FMN1: variants seen among roughly 807,000 people sequenced by gnomAD.
FMN1 encodes the protein formin 1.
A neutral mutation model predicts 132.4 loss-of-function variants in FMN1; 110 were observed. That is an observed-to-expected ratio of 0.83 (90% CI 0.71 to 0.97). The LOEUF (loss-of-function observed/expected upper bound fraction) is 0.97. Ranked by LOEUF, FMN1 falls within the 50% of genes least tolerant of loss-of-function variation. The pLI, the probability that FMN1 is intolerant of heterozygous loss-of-function variation, is 0.00. For synonymous variants in FMN1, 722 were observed against 651.7 expected, an observed-to-expected ratio of 1.11 and a Z score of -1.64; for missense variants, 1,792 against 1,705.3, an observed-to-expected ratio of 1.05 and a Z score of -0.90.
chr15:33,180,734 C>T (rs1295333258), intron 2 of FMN1, among the ~76,000 whole-genome samples: 1 of 147,784 alleles, frequency 6.8e-6, no homozygotes, highest in Non-Finnish European at 1.5e-5. Flanking sequence ...TTCAGAGGCT[C>T]TCCTGCTGCC....
chr15:32,796,776 G>A (rs1257815855), intron 19 of FMN1, among the ~76,000 whole-genome samples: 1 of 152,326 alleles, frequency 6.6e-6, no homozygotes, highest in Non-Finnish European at 1.5e-5. Flanking sequence ...TTAAATGGTT[G>A]AGGAGTAATA....
intron 4 of FMN1, chr15:33,150,321 G>C (rs1482599434): frequency 9.1e-6 from 9 of 985,308 alleles, no homozygotes; most frequent in Admixed American, 6.1e-5. Flanking sequence ...AAAGGCTTGG[G>C]AACATTCCAC....
At chr15:32,778,756 C>G (rs1222391973) in intron 19 of FMN1, among the ~76,000 whole-genome samples, 1 of 151,954 alleles carries the variant, frequency 6.6e-6, no homozygotes, top group African/African-American at 2.4e-5. Flanking sequence ...GGCCGTTTTC[C>G]AAAACGTTAA....
intron 17 of FMN1, among the ~76,000 whole-genome samples, chr15:32,817,832 C>T (rs1308454034): frequency 6.6e-6 from 1 of 152,156 alleles, no homozygotes; most frequent in Non-Finnish European, 1.5e-5. Context: ...TAACTGTCAT[C>T]CTCAGAGAAA....
rs542643574 is a variant in FMN1, at chr15:32,963,403, C to T, written c.3138+704G>A. 2.3e-4 allele frequency among the ~76,000 whole-genome samples: 35 copies of T among 151,446 alleles called. No homozygotes were observed. The South Asian group carries it at 6.5e-3, about 28-fold the overall frequency. ...GAGATATACCTAATGCTAGATGACG[C>T]GTTAGTGGGTGCAGCGCACCAGCAT... On this transcript the variant is annotated intron_variant, in intron 9 of 20. Coordinates refer to ENST00000616417, the MANE Select transcript of FMN1 (RefSeq NM_001277313.2).
chr15:33,058,011 CG>C (rs1428025846), intron 6 of FMN1, among the ~76,000 whole-genome samples: 8 of 144,458 alleles, frequency 5.5e-5, no homozygotes, highest in African/African-American at 2.0e-4. Flanking sequence ...AAAGGCGTGG[CG>C]GGGCTGGTAG....
intron 4 of FMN1, among the ~76,000 whole-genome samples, chr15:33,113,222 A>G (rs1337516039): frequency 6.7e-6 from 1 of 148,768 alleles, no homozygotes; most frequent in Non-Finnish European, 1.5e-5. Context: ...ACTTTCTGAC[A>G]TATTCTTACC....
intron 16 of FMN1, among the ~76,000 whole-genome samples, chr15:32,865,353 T>C (rs2059367951): frequency 6.6e-6 from 1 of 152,190 alleles, no homozygotes; most frequent in Non-Finnish European, 1.5e-5. Flanking sequence ...AAATGAAGAA[T>C]GCCTCATCTG....
In FMN1 at chr15:33,104,645, G is replaced by C. The variant is rs117865210; in HGVS notation, c.1868-15671C>G. Among the ~76,000 whole-genome samples, 1,401 of 152,096 alleles carry C rather than the reference G, an allele frequency of 9.2e-3. 8 individuals are homozygous for C. Among genetic ancestry groups the C allele is most frequent in the Non-Finnish European group, 0.014 (983 of 67,974 alleles). On this transcript the variant is annotated intron_variant, in intron 4 of 20. Transcript: ENST00000616417. Reference sequence around the variant, plus strand: ...AAATTACTAGGGAAGCTAGTAATACGTATGTATTCCTGAAGCAATGTTTTC... The same window carrying C: ...AAATTACTAGGGAAGCTAGTAATACCTATGTATTCCTGAAGCAATGTTTTC...
intron 16 of FMN1, among the ~76,000 whole-genome samples, chr15:32,881,527 C>G (rs550550112): frequency 6.6e-6 from 1 of 152,266 alleles, no homozygotes; most frequent in South Asian, 2.1e-4. Context: ...CAATCAATGA[C>G]GTTTCCACCA....
At chr15:32,791,645 C>A (rs1233511327) in intron 19 of FMN1, among the ~76,000 whole-genome samples, 1 of 152,192 alleles carries the variant, frequency 6.6e-6, no homozygotes, top group East Asian at 1.9e-4. Flanking sequence ...TGAATCAGAG[C>A]AGAGACACCT....
chr15:32,975,279 T>A (rs1192774192), intron 7 of FMN1, among the ~76,000 whole-genome samples: 1 of 152,216 alleles, frequency 6.6e-6, no homozygotes, highest in East Asian at 1.9e-4. Context: ...TCCAGGCAGT[T>A]GGGGACCACA....
intron 9 of FMN1, among the ~76,000 whole-genome samples, chr15:32,931,977 A>G (rs537967718): frequency 6.6e-6 from 1 of 152,282 alleles, no homozygotes; most frequent in South Asian, 2.1e-4. Flanking sequence ...CTATCAAAAT[A>G]TTTTTATCAT....
intron 4 of FMN1, among the ~76,000 whole-genome samples, chr15:33,113,948 A>AGCCACGT (rs1235618344): frequency 1.2e-4 from 18 of 152,340 alleles, no homozygotes; most frequent in African/African-American, 3.4e-4. Context: ...CCAGATCCTT[A>AGCCACGT]GCCACCTACC....
intron 7 of FMN1, among the ~76,000 whole-genome samples, chr15:32,999,906 A>AGTCCTACTAATC (rs2033994948): frequency 6.6e-6 from 1 of 152,190 alleles, no homozygotes. Flanking sequence ...GATCCAAAGA[A>AGTCCTACTAATC]GTCCTACTAA....
chr15:33,168,298 AT>A (rs1965187187), intron 3 of FMN1, among the ~76,000 whole-genome samples: 1 of 152,212 alleles, frequency 6.6e-6, no homozygotes, highest in African/African-American at 2.4e-5. Context: ...TATAAGGATT[AT>A]TTTGCTTCTC....
intron 5 of FMN1, among the ~76,000 whole-genome samples, chr15:33,074,702 C>T (rs1473943812): frequency 2.0e-5 from 3 of 152,040 alleles, no homozygotes; most frequent in African/African-American, 7.2e-5. Flanking sequence ...CCAAGGAACA[C>T]GGGCAGTGTG....
chr15:33,149,591 T>C (rs527511935), intron 4 of FMN1, among the ~76,000 whole-genome samples: 5 of 152,334 alleles, frequency 3.3e-5, no homozygotes, highest in South Asian at 4.1e-4. Flanking sequence ...TGGGATCCTA[T>C]TACTTTCTCA....
chr15:33,041,418 A>G (rs535139205), intron 6 of FMN1, among the ~76,000 whole-genome samples: 12 of 150,314 alleles, frequency 8.0e-5, no homozygotes, highest in African/African-American at 2.7e-4. Flanking sequence ...ACTGGAAAAA[A>G]ATAGTTACTA....
Sources: gnomAD v4.1 joint callset for allele counts (sites outside exome capture counted in the v4.1 genomes callset) on GRCh38, gnomAD v4.1.1 for gene constraint, MANE v1.5 for transcripts, NCBI Gene and HGNC (gene_info 2026-07-23, HGNC 2026-07-21) for gene names.